The following OSBPL8 variants were observed in gnomAD, a reference collection of about 807,000 sequenced individuals.
The protein encoded by OSBPL8 is oxysterol-binding protein-related protein 8.
OSBPL8 carries 59 observed loss-of-function variants against 125.5 expected under a neutral mutation model. The observed-to-expected ratio is 0.47, with a 90% CI of 0.38 to 0.58. OSBPL8 has a LOEUF of 0.58. Among genes scored for constraint, OSBPL8 ranks in the 20% least tolerant of loss-of-function variants. The pLI, the probability that OSBPL8 is intolerant of heterozygous loss-of-function variation, is 0.00. For missense variants in OSBPL8, 758 were observed against 1,047.8 expected (o/e 0.72, Z 3.82); for synonymous variants, 330 against 338.9 (o/e 0.97, Z 0.29).
At chr12:76,514,992 G>A (rs1370331003) in intron 1 of OSBPL8, among the ~76,000 whole-genome samples, 2 of 152,162 alleles carry the variant, frequency 1.3e-5, no homozygotes, top group African/African-American at 4.8e-5. Flanking sequence ...ATTCAGCTCT[G>A]TCAGATTAAT....
chr12:76,498,433 G>A (rs544053103), intron 1 of OSBPL8, among the ~76,000 whole-genome samples: 27 of 152,282 alleles, frequency 1.8e-4, no homozygotes, highest in African/African-American at 6.5e-4. Flanking sequence ...ACTTTACAAG[G>A]TGCAAGCACG....
intron 14 of OSBPL8, among the ~76,000 whole-genome samples, chr12:76,385,770 G>C (rs1565848997): frequency 6.6e-6 from 1 of 152,036 alleles, no homozygotes; most frequent in Non-Finnish European, 1.5e-5. Context: ...TGGAGAACTA[G>C]AAAGGTATTA....
chr12:76,469,052 C>T (rs1159188392), intron 2 of OSBPL8, among the ~76,000 whole-genome samples: 1 of 152,182 alleles, frequency 6.6e-6, no homozygotes, highest in African/African-American at 2.4e-5. Flanking sequence ...CTAGCATTTG[C>T]CACTGCTGAC....
intron 4 of OSBPL8, among the ~76,000 whole-genome samples, chr12:76,421,022 T>C (rs928473970): frequency 6.6e-6 from 1 of 152,058 alleles, no homozygotes; most frequent in African/African-American, 2.4e-5. Flanking sequence ...CTGACAATTT[T>C]GCCTTTAACT....
In OSBPL8 at chr12:76,384,253, C is replaced by T; in HGVS notation, c.1630+1G>A. ...GTGCAAGTTGGGACGGGAAAACTCA[C>T]CATAAAACTTAGACTTAGCCAGGAT... On this transcript the variant is annotated splice_donor_variant, in intron 15 of 23. Coordinates refer to ENST00000261183, the MANE Select transcript of OSBPL8 (RefSeq NM_020841.5). LOFTEE classifies it high-confidence loss of function. 1.3e-6 allele frequency: 2 copies of T among 1,493,504 alleles called. No homozygotes were observed. The highest frequency in any genetic ancestry group is 1.8e-6 in the Non-Finnish European group (2 of 1,097,976). 92.5% of individuals were successfully genotyped at this position (1,493,504 alleles called of 1,614,324 possible).
At chr12:76,381,235 G>A (rs548286883) in intron 15 of OSBPL8, among the ~76,000 whole-genome samples, 1 of 152,230 alleles carries the variant, frequency 6.6e-6, no homozygotes, top group East Asian at 1.9e-4. Flanking sequence ...GGGGAATCAG[G>A]ATAATCCTGG....
At position 76,418,010 on chromosome 12, in the gene OSBPL8, C is replaced by CTT. The variant is rs35319213; in HGVS notation, c.218-7378_218-7377dup. ...CAGAAAATTATATGATTTTCACTAC[C>CTT]TTTTTTTTTTTTTTTTTTTTTTGAG... On this transcript the variant is annotated intron_variant, in intron 4 of 23. Transcript: ENST00000261183. 4.5e-3 allele frequency among the ~76,000 whole-genome samples: 502 copies of CTT among 111,486 alleles called. 7 individuals are homozygous for CTT. Among genetic ancestry groups the CTT allele is most frequent in the African/African-American group, 9.4e-3 (274 of 29,004 alleles). 73.1% of individuals were successfully genotyped at this position (111,486 alleles called of 152,430 possible). A position where few individuals can be genotyped will look rare whatever the true frequency, so the allele number is the denominator to read the frequency against.
chr12:76,425,632 C>T (rs1199162720), intron 4 of OSBPL8, among the ~76,000 whole-genome samples: 3 of 152,178 alleles, frequency 2.0e-5, no homozygotes, highest in Non-Finnish European at 4.4e-5. Flanking sequence ...TGCCCAAGTT[C>T]TTTGTTGACA....
In OSBPL8 at chr12:76,369,819, G is replaced by A. The variant is rs1390300048; in HGVS notation, c.2058C>T (p.Leu686=). 1 of 1,612,166 alleles carries A rather than the reference G, an allele frequency of 6.2e-7. No homozygotes were observed. The highest frequency in any genetic ancestry group is 8.5e-7 in the Non-Finnish European group (1 of 1,179,082). The change falls in exon 20 of 24, where the codon CTC becomes CTT. Residue 686 remains leucine (L), a synonymous_variant. Coordinates refer to ENST00000261183, the MANE Select transcript of OSBPL8 (RefSeq NM_020841.5). ...TTATGGCTCGAGTTACCCGTTGCCA[G>A]AGTCTAATACATGTGCGAAAATATT... ...EEQGDFESEK[L]WQRVTRAINA...
At chr12:76,558,132 A>AT (rs533891440) in intron 1 of OSBPL8, among the ~76,000 whole-genome samples, 1,718 of 152,154 alleles carry the variant, frequency 0.011, 33 homozygotes, top group African/African-American at 0.039. Flanking sequence ...AATATTAAAA[A>AT]AAAATAAAAG....
chr12:76,377,852 C>G (rs1156577055), intron 16 of OSBPL8, among the ~76,000 whole-genome samples: 1 of 152,002 alleles, frequency 6.6e-6, no homozygotes, highest in Admixed American at 6.6e-5. Flanking sequence ...TTCATTTTTC[C>G]TCTTCTAAAA....
chr12:76,363,422 T>C (rs1171369051), intron 21 of OSBPL8, among the ~76,000 whole-genome samples: 1 of 152,216 alleles, frequency 6.6e-6, no homozygotes, highest in Non-Finnish European at 1.5e-5. Flanking sequence ...GGATTCCCTA[T>C]TTAATAAACA....
chr12:76,411,367 G>A (rs1954507678), intron 4 of OSBPL8, among the ~76,000 whole-genome samples: 1 of 151,890 alleles, frequency 6.6e-6, no homozygotes, highest in South Asian at 2.1e-4. Flanking sequence ...TTTTAATGAG[G>A]TTTTTCTATT....
intron 2 of OSBPL8, among the ~76,000 whole-genome samples, chr12:76,483,003 T>C (rs1877693693): frequency 6.6e-6 from 1 of 152,200 alleles, no homozygotes; most frequent in South Asian, 2.1e-4. Context: ...GGCTCATGCC[T>C]GTAATCCCAG....
intron 4 of OSBPL8, among the ~76,000 whole-genome samples, chr12:76,446,290 A>C (rs549505370): frequency 1.3e-3 from 203 of 152,334 alleles, no homozygotes; most frequent in Non-Finnish European, 2.7e-3. Flanking sequence ...TATCTCCTCC[A>C]GCAGTTAATC....
chr12:76,397,551 G>A, intron 8 of OSBPL8, 143 bp downstream of exon 8: 1 of 820,034 alleles, frequency 1.2e-6, no homozygotes, highest in Non-Finnish European at 1.9e-6. Context: ...GTGGGTAGAG[G>A]CAGAATGGGG....
chr12:76,448,075 G>A (rs775109997), intron 4 of OSBPL8, among the ~76,000 whole-genome samples: 3 of 152,062 alleles, frequency 2.0e-5, no homozygotes, highest in African/African-American at 4.8e-5. Flanking sequence ...TGTAATAAAG[G>A]TTTTATGGTT....
intron 21 of OSBPL8, among the ~76,000 whole-genome samples, chr12:76,360,334 C>T (rs1015581932): frequency 6.6e-6 from 1 of 152,216 alleles, no homozygotes; most frequent in African/African-American, 2.4e-5. Context: ...TTTGACTCCA[C>T]GTTTCATATC....
At chr12:76,549,710 T>C (rs78894172) in intron 1 of OSBPL8, among the ~76,000 whole-genome samples, 1,961 of 152,260 alleles carry the variant, frequency 0.013, 21 homozygotes, top group Middle Eastern at 0.037. Context: ...TCAGCATCCC[T>C]AGATGCTAGA....
Sources: allele counts gnomAD v4.1 joint callset (sites outside exome capture counted in the v4.1 genomes callset), GRCh38; gene constraint gnomAD v4.1.1; transcripts MANE v1.5; gene names NCBI Gene and HGNC (gene_info 2026-07-23, HGNC 2026-07-21).